The following ANAPC4 variants were observed in gnomAD, a reference collection of about 807,000 sequenced individuals.
ANAPC4 encodes the protein anaphase-promoting complex subunit 4.
A neutral mutation model predicts 119.8 loss-of-function variants in ANAPC4; 63 were observed. That is an observed-to-expected ratio of 0.53 (90% CI 0.43 to 0.65). The LOEUF is 0.65. Among genes scored for constraint, ANAPC4 ranks in the 30% least tolerant of loss-of-function variants. The probability of loss-of-function intolerance (pLI) is 0.00; values close to 1 mark genes in which losing one functional copy is unlikely to be tolerated. For synonymous variants in ANAPC4, 283 were observed against 318.6 expected (o/e 0.89, Z 1.19); for missense variants, 716 against 945.1 (o/e 0.76, Z 3.18).
At chr4:25,382,838 C>T (rs1158397681) in intron 3 of ANAPC4, among the ~76,000 whole-genome samples, 1 of 152,188 alleles carries the variant, frequency 6.6e-6, no homozygotes, top group South Asian at 2.1e-4. Flanking sequence ...TTCCCACCAT[C>T]GTTTAGAAAC....
At chr4:25,392,596 C>CT (rs1560434904) in intron 10 of ANAPC4, among the ~76,000 whole-genome samples, 175 bp downstream of exon 10, 2 of 152,186 alleles carry the variant, frequency 1.3e-5, no homozygotes, top group African/African-American at 4.8e-5. Context: ...TGAGAACCTA[C>CT]TTTCACCGCA....
intron 17 of ANAPC4, among the ~76,000 whole-genome samples, chr4:25,404,732 A>G (rs984345615): frequency 1.3e-5 from 2 of 152,100 alleles, no homozygotes; most frequent in African/African-American, 4.8e-5. Context: ...CTCTGTCCCC[A>G]GTAGATACCT....
chr4:25,388,625 C>G, intron 5 of ANAPC4, 51 bp downstream of exon 5: 1 of 1,558,380 alleles, frequency 6.4e-7, no homozygotes, highest in Non-Finnish European at 8.8e-7. Context: ...TCTCTTTCTT[C>G]TGCTTTTAAC....
In ANAPC4 at chr4:25,394,350, A is replaced by C. The variant is rs1722520161; in HGVS notation, c.917A>C (p.His306Pro). 1 of 1,580,970 alleles carries C rather than the reference A, an allele frequency of 6.3e-7. No homozygotes were observed. Among genetic ancestry groups the C allele is most frequent in the Non-Finnish European group, 8.5e-7 (1 of 1,172,066 alleles). The stretch of plus-strand genomic sequence containing the variant: ...ACATCAGTGCAAGATGAGTTCATGC[A>C]CTTGCTATTATGGGGGAAAGCAAGG... ...TTTSVQDEFM[H>P]LLLWGKASAE... The change falls in exon 12 of 29, where the codon CAC (histidine) becomes CCC (proline). Residue 306 changes from histidine to proline, a missense_variant. By Grantham distance (77) the His-to-Pro change is moderately conservative (BLOSUM62 -2). Coordinates refer to ENST00000315368, the MANE Select transcript of ANAPC4 (RefSeq NM_013367.3).
In ANAPC4 at chr4:25,409,732, C is replaced by G; in HGVS notation, c.1466C>G (p.Pro489Arg). The part of the protein sequence containing the change: ...LKDEDDDLVS[P>R]PNTEGNQWYD... Reference sequence around the variant, plus strand: ...GATGAAGATGATGATCTTGTGTCACCCCCTAACACAGAAGGAAACCAGTGG... The same window carrying G: ...GATGAAGATGATGATCTTGTGTCACGCCCTAACACAGAAGGAAACCAGTGG... The change falls in exon 21 of 29, where the codon CCC (proline) becomes CGC (arginine). Residue 489 changes from proline to arginine, a missense_variant. Around this residue, in one of 3 missense-constraint regions of ANAPC4, gnomAD observed 504 missense variants for 615.8 expected, o/e 0.82. Transcript: ENST00000315368. 3.7e-6 allele frequency: 6 copies of G among 1,612,504 alleles called. No homozygotes were observed. The highest frequency in any genetic ancestry group is 5.1e-6 in the Non-Finnish European group (6 of 1,179,054).
chr4:25,399,435 GTATGTA>G (rs1214121625), intron 16 of ANAPC4, among the ~76,000 whole-genome samples: 2 of 150,956 alleles, frequency 1.3e-5, no homozygotes, highest in Admixed American at 1.3e-4. Context: ...CATCATGTAT[GTATGTA>G]TATGTATGTC....
At position 25,396,673 on chromosome 4, in the gene ANAPC4, G is replaced by A. The variant is rs142445351; in HGVS notation, c.1071G>A (p.Glu357=). ...TGCTCTGTTTGGATAGTGGCTCGGA[G>A]TCTTTATTATACCATTTGAGTGAAT... ...LVISHLQSGS[E]SLLYHLSELK... Residue 357 remains glutamate, a synonymous_variant, in exon 15 of 29, where the codon GAG becomes GAA. Transcript: ENST00000315368. 1,011 of 1,607,116 alleles carry A rather than the reference G, an allele frequency of 6.3e-4. 6 individuals carry two copies. The African/African-American group carries it at 0.012, about 19-fold the overall frequency.
In ANAPC4 at chr4:25,382,964, C is replaced by T. The variant is rs1721824428; in HGVS notation, c.236-297C>T. Among the ~76,000 whole-genome samples, 3 of 152,270 alleles carry T rather than the reference C, an allele frequency of 2.0e-5. No homozygotes were observed. The South Asian group carries it at 6.2e-4, about 32-fold the overall frequency. On this transcript the variant is annotated intron_variant, in intron 3 of 28. Transcript: ENST00000315368. The stretch of plus-strand genomic sequence containing the variant: ...GTTGAAGCCTCTTTTGTATTTTCTG[C>T]TTGACAACAGGGTTTCAAGTCTGGA...
In ANAPC4 at chr4:25,391,485, G is replaced by C. The variant is rs377199100; in HGVS notation, c.705+470G>C. On this transcript the variant is annotated intron_variant, in intron 9 of 28. Transcript: ENST00000315368. Reference sequence around the variant, plus strand: ...ACTTCAGAACTTGCTTGATGTCACAGGATGGGAAAGTGATGCTAGACAATC... The same window carrying C: ...ACTTCAGAACTTGCTTGATGTCACACGATGGGAAAGTGATGCTAGACAATC... Among the ~76,000 whole-genome samples the C allele has an allele frequency of 2.3e-4, 35 of 152,294 alleles. 1 individual carries two copies. The East Asian group carries it at 4.2e-3, about 18-fold the overall frequency.
chr4:25,379,607 A>G (rs1721604939), intron 2 of ANAPC4, among the ~76,000 whole-genome samples: 1 of 152,204 alleles, frequency 6.6e-6, no homozygotes, highest in African/African-American at 2.4e-5. Context: ...GTACGAAGAT[A>G]TTAATTTCAT....
At chr4:25,409,358 G>A (rs1723441059) in intron 20 of ANAPC4, among the ~76,000 whole-genome samples, 3 of 152,010 alleles carry the variant, frequency 2.0e-5, no homozygotes, top group Non-Finnish European at 2.9e-5. Context: ...AATACTTTGT[G>A]GTTTGTTTAG....
At chr4:25,378,996 T>A (rs1452371798) in intron 2 of ANAPC4, among the ~76,000 whole-genome samples, 2 of 152,090 alleles carry the variant, frequency 1.3e-5, no homozygotes, top group Non-Finnish European at 2.9e-5. Flanking sequence ...AGTGAAGGCA[T>A]GTGTGGGGAG....
At chr4:25,406,358 G>A (rs902029220) in intron 18 of ANAPC4, among the ~76,000 whole-genome samples, 1 of 152,114 alleles carries the variant, frequency 6.6e-6, no homozygotes, top group Non-Finnish European at 1.5e-5. Context: ...TTGTTGGAAG[G>A]GATCCTAAGG....
At chr4:25,394,623 A>G (rs199745122) in intron 12 of ANAPC4, 48 bp from the exon 13 acceptor site, 2 of 1,536,578 alleles carry the variant, frequency 1.3e-6, no homozygotes, top group East Asian at 2.3e-5. Context: ...TGATGCATTC[A>G]GATTTCCAAT....
intron 20 of ANAPC4, among the ~76,000 whole-genome samples, chr4:25,409,441 A>G (rs1342780408): frequency 1.3e-5 from 2 of 152,236 alleles, no homozygotes; most frequent in East Asian, 1.9e-4. Context: ...GCTAACATTT[A>G]TGGAGGGCTT....
intron 18 of ANAPC4, among the ~76,000 whole-genome samples, 170 bp from the exon 19 acceptor site, chr4:25,406,659 C>A (rs557002415): frequency 6.6e-6 from 1 of 152,294 alleles, no homozygotes; most frequent in Admixed American, 6.5e-5. Context: ...GAACCCCAGG[C>A]GTTCATATTT....
chr4:25,391,740 A>G (rs1346951285), intron 9 of ANAPC4, among the ~76,000 whole-genome samples: 1 of 152,250 alleles, frequency 6.6e-6, no homozygotes, highest in African/African-American at 2.4e-5. Flanking sequence ...AGAACAAAAA[A>G]GATGCAAGAT....
At chr4:25,411,189 C>T (rs183683351) in intron 21 of ANAPC4, among the ~76,000 whole-genome samples, 1 of 152,262 alleles carries the variant, frequency 6.6e-6, no homozygotes, top group East Asian at 1.9e-4. Flanking sequence ...ACAGGAGACG[C>T]TACTTATTTA....
Position 25,407,202 on chromosome 4 carries a change from A to G in ANAPC4, c.1380A>G (p.Pro460=). The G allele has an allele frequency of 6.2e-7, 1 of 1,604,950 alleles. No homozygotes were observed. Among genetic ancestry groups the G allele is most frequent in the South Asian group, 1.1e-5 (1 of 89,588 alleles). Reference sequence around the variant, plus strand: ...CTATGTTTATTTTTTTCCAGGCTCCAGACCTTTATAATCGAAAAGGAAAAT... The same window carrying G: ...CTATGTTTATTTTTTTCCAGGCTCCGGACCTTTATAATCGAAAAGGAAAAT... The part of the protein sequence containing the change: ...EFLTEHFNEA[P]DLYNRKGKYF... The change falls in exon 20 of 29, where the codon CCA becomes CCG. Residue 460 remains proline, a synonymous_variant. Coordinates refer to ENST00000315368, the MANE Select transcript of ANAPC4 (RefSeq NM_013367.3).
Sources: allele counts gnomAD v4.1 joint callset (sites outside exome capture counted in the v4.1 genomes callset), GRCh38; gene constraint gnomAD v4.1.1; regional missense constraint gnomAD v4.1.1; transcripts MANE v1.5; gene names NCBI Gene and HGNC (gene_info 2026-07-23, HGNC 2026-07-21).